Variants in INPP5A observed in about 807,000 individuals in gnomAD.
INPP5A encodes 43 kDa inositol polyphosphate 5-phophatase.
A neutral mutation model predicts 65.2 loss-of-function variants in INPP5A; 14 were observed. The ratio of observed to expected loss-of-function variants is 0.21; its 90% CI spans 0.14 to 0.34. INPP5A has a LOEUF of 0.34. INPP5A is among the 10% of genes least tolerant of loss of function. The probability of loss-of-function intolerance (pLI) is 1.00; values close to 1 mark genes in which losing one functional copy is unlikely to be tolerated. For synonymous variants in INPP5A, 207 were observed against 208.3 expected, an observed-to-expected ratio of 0.99 and a Z score of 0.05; for missense variants, 431 against 545.6, an observed-to-expected ratio of 0.79 and a Z score of 2.09.
At chr10:132,718,784 C>T (rs1220324404) in intron 8 of INPP5A, among the ~76,000 whole-genome samples, 2 of 89,626 alleles carry the variant, frequency 2.2e-5, no homozygotes, top group East Asian at 3.8e-4. Context: ...TGTGGTACCT[C>T]GGTTCTGTCT....
At chr10:132,646,949 G>A (rs966397909) in intron 3 of INPP5A, among the ~76,000 whole-genome samples, 1 of 152,196 alleles carries the variant, frequency 6.6e-6, no homozygotes, top group Non-Finnish European at 1.5e-5. Context: ...GTGTGAGTGT[G>A]AGCGAGGCTT....
chr10:132,738,429 G>T (rs1036359523), intron 9 of INPP5A, among the ~76,000 whole-genome samples: 1 of 152,168 alleles, frequency 6.6e-6, no homozygotes, highest in Admixed American at 6.5e-5. Flanking sequence ...CCCTCCCCAC[G>T]TCCAGCCGTG....
At chr10:132,611,058 T>TGAG in intron 2 of INPP5A, among the ~76,000 whole-genome samples, 1 of 92,948 alleles carries the variant, frequency 1.1e-5, no homozygotes, top group Non-Finnish European at 2.2e-5. Flanking sequence ...ATGAGGGAGG[T>TGAG]GAGTTGGGCA....
intron 1 of INPP5A, among the ~76,000 whole-genome samples, chr10:132,569,107 G>C (rs1352235248): frequency 2.0e-5 from 3 of 151,302 alleles, no homozygotes; most frequent in Admixed American, 6.6e-5. Flanking sequence ...GTAGAGACAG[G>C]GTTTCTCCAT....
At chr10:132,768,506 G>T (rs891983232) in intron 12 of INPP5A, among the ~76,000 whole-genome samples, 2 of 152,274 alleles carry the variant, frequency 1.3e-5, no homozygotes, top group African/African-American at 4.8e-5. Context: ...CGCTGCGTCT[G>T]CCCTGGCGGG....
chr10:132,570,153 G>A (rs1031466510), intron 1 of INPP5A, among the ~76,000 whole-genome samples: 7 of 151,524 alleles, frequency 4.6e-5, no homozygotes, highest in Non-Finnish European at 8.8e-5. Flanking sequence ...CGCCTTATTG[G>A]CCAGGCTGGT....
At chr10:132,719,890 C>G (rs1277087670) in intron 8 of INPP5A, among the ~76,000 whole-genome samples, 64 of 114,058 alleles carry the variant, frequency 5.6e-4, no homozygotes, top group South Asian at 1.2e-3. Flanking sequence ...CGGCTGTCTT[C>G]AGGGTTCTGT....
At chr10:132,614,127 G>A (rs1010739602) in intron 2 of INPP5A, among the ~76,000 whole-genome samples, 3 of 152,192 alleles carry the variant, frequency 2.0e-5, no homozygotes, top group Non-Finnish European at 4.4e-5. Flanking sequence ...CCAGAACTCA[G>A]CCTGGCACTG....
chr10:132,572,436 C>T (rs1248864497), intron 1 of INPP5A, among the ~76,000 whole-genome samples: 2 of 152,116 alleles, frequency 1.3e-5, no homozygotes, highest in East Asian at 3.9e-4. Context: ...GGGGTGGGGC[C>T]TTTCGTAGGG....
In INPP5A at chr10:132,707,597, T is replaced by A. The variant is rs1260847763; in HGVS notation, c.475-716T>A. On this transcript the variant is annotated intron_variant, in intron 6 of 15. Transcript: ENST00000368594. The surrounding 1 kb of genome is among the most constrained non-coding windows in gnomAD (Gnocchi z 5.5). ...GGTGGCCCAGCAGAGGAACCTACCA[T>A]GGTGGGAGGTGGGAGGGCAGGAGGG... Among the ~76,000 whole-genome samples the A allele has an allele frequency of 6.6e-6, 1 of 152,110 alleles. No homozygotes were observed. Among genetic ancestry groups the A allele is most frequent in the Non-Finnish European group, 1.5e-5 (1 of 68,016 alleles).
In INPP5A at chr10:132,704,843, G is replaced by C; in HGVS notation, c.475-3470G>C. ...CAGGCAGCTCCTCTGGAGTGTGGAGGATGGAGGAAGGGCGTCTGGACAGGC... is the reference window on the plus strand; with the variant it reads ...CAGGCAGCTCCTCTGGAGTGTGGAGCATGGAGGAAGGGCGTCTGGACAGGC... On this transcript the variant is annotated intron_variant, in intron 6 of 15. Transcript: ENST00000368594. This position sits in a 1 kb window ranked among gnomAD's most constrained non-coding sequence, Gnocchi z 4.5. 6.7e-6 allele frequency among the ~76,000 whole-genome samples: 1 copy of C among 149,678 alleles called. No individual in the cohort carries two copies. The highest frequency in any genetic ancestry group is 1.5e-5 in the Non-Finnish European group (1 of 67,358).
chr10:132,729,009 G>T (rs1846035511), intron 9 of INPP5A, among the ~76,000 whole-genome samples: 1 of 145,052 alleles, frequency 6.9e-6, no homozygotes. Flanking sequence ...GGCCGCTGTG[G>T]TCTCAGCAGG....
At chr10:132,671,675 G>A (rs183429174) in intron 4 of INPP5A, among the ~76,000 whole-genome samples, 236 of 152,344 alleles carry the variant, frequency 1.5e-3, no homozygotes, top group African/African-American at 5.3e-3. Flanking sequence ...TGGAATAGCC[G>A]TTGGCACATG....
At chr10:132,731,207 A>T (rs1846078716) in intron 9 of INPP5A, among the ~76,000 whole-genome samples, 1 of 152,188 alleles carries the variant, frequency 6.6e-6, no homozygotes, top group African/African-American at 2.4e-5. Flanking sequence ...GTCAGAGAAC[A>T]GAGAAGGCGG....
Position 132,782,035 on chromosome 10 carries a change from A to G in INPP5A, c.*8-2A>G, listed in dbSNP as rs867476703. The stretch of plus-strand genomic sequence containing the variant: ...TTTAACAAATTACGAATTCCGTGAC[A>G]GGGAAGAGATGCCAGCGCCACGAGA... On this transcript the variant is annotated splice_acceptor_variant, in intron 15 of 15. Transcript: ENST00000368594. LOFTEE classifies it low-confidence loss of function (3UTR_SPLICE). The surrounding 1 kb of genome is among the most constrained non-coding windows in gnomAD (Gnocchi z 4.4). 7.5e-6 allele frequency: 12 copies of G among 1,598,054 alleles called. No individual in the cohort carries two copies. In the South Asian group the frequency reaches 1.2e-4, roughly 16 times the overall value.
chr10:132,553,437 G>A (rs2071080533), intron 1 of INPP5A, among the ~76,000 whole-genome samples: 1 of 147,076 alleles, frequency 6.8e-6, no homozygotes, highest in South Asian at 2.2e-4. Flanking sequence ...GAGGACTGGT[G>A]AACGCCTTCT....
intron 1 of INPP5A, among the ~76,000 whole-genome samples, chr10:132,586,482 A>G (rs2071545992): frequency 6.6e-6 from 1 of 152,096 alleles, no homozygotes. Flanking sequence ...TTCCCCAGAA[A>G]CCCAGTTGAC....
At chr10:132,577,698 A>G (rs553474312) in intron 1 of INPP5A, among the ~76,000 whole-genome samples, 16 of 152,328 alleles carry the variant, frequency 1.1e-4, no homozygotes, top group Non-Finnish European at 1.9e-4. Flanking sequence ...GAGGAGATGG[A>G]TGAGGTGGGA....
chr10:132,657,752 G>A (rs2072677272), intron 4 of INPP5A, among the ~76,000 whole-genome samples: 1 of 152,270 alleles, frequency 6.6e-6, no homozygotes, highest in Non-Finnish European at 1.5e-5. Flanking sequence ...AGAAGGGGAA[G>A]GAAAGGCAAA....
Sources: allele counts gnomAD v4.1 joint callset (sites outside exome capture counted in the v4.1 genomes callset), GRCh38; gene constraint gnomAD v4.1.1; non-coding constraint Gnocchi (gnomAD v3.1); transcripts MANE v1.5; gene names NCBI Gene and HGNC (gene_info 2026-07-23, HGNC 2026-07-21).